The following STARD9 variants were observed in gnomAD, a reference collection of about 807,000 sequenced individuals.
The protein encoded by STARD9 is StAR related lipid transfer domain containing 9.
In STARD9, 346 loss-of-function variants were observed where a neutral mutation model predicts 399.8. The observed-to-expected ratio is 0.87, with a 90% CI of 0.79 to 0.95. STARD9 has a LOEUF of 0.95. Among genes scored for constraint, STARD9 ranks in the 40% least tolerant of loss-of-function variants. The pLI, the probability that STARD9 is intolerant of heterozygous loss-of-function variation, is 0.00. For missense variants in STARD9, 5,832 were observed against 5,667.5 expected (o/e 1.03, Z -0.93); for synonymous variants, 2,203 against 2,143.5 (o/e 1.03, Z -0.77).
intron 3 of STARD9, among the ~76,000 whole-genome samples, chr15:42,626,306 T>C (rs1308374524): frequency 1.3e-4 from 15 of 117,232 alleles, no homozygotes; most frequent in African/African-American, 4.2e-4. Context: ...CCTCCCCTTC[T>C]TCCTCTTCCT....
intron 20 of STARD9, among the ~76,000 whole-genome samples, chr15:42,677,131 G>A (rs1263340075): frequency 7.0e-6 from 1 of 143,788 alleles, no homozygotes; most frequent in Non-Finnish European, 1.5e-5. Flanking sequence ...GGGCATGGTA[G>A]CACATGCCTG....
At chr15:42,709,751 C>T (rs781370951) in intron 26 of STARD9, among the ~76,000 whole-genome samples, 80 of 152,262 alleles carry the variant, frequency 5.3e-4, no homozygotes, top group Admixed American at 2.4e-3. Context: ...AACTTTCATC[C>T]ACTGATTTTA....
chr15:42,712,081 T>TATATATAAAATATATAATATATAA (rs57090140), intron 26 of STARD9, among the ~76,000 whole-genome samples: 1 of 39,154 alleles, frequency 2.6e-5, no homozygotes, highest in East Asian at 5.3e-4. Context: ...TATATATATA[T>TATATATAAAATATATAATATATAA]TATATATATA....
At chr15:42,708,019 G>A (rs2061127911) in intron 26 of STARD9, among the ~76,000 whole-genome samples, 1 of 151,136 alleles carries the variant, frequency 6.6e-6, no homozygotes. Context: ...CCAGGGTGGT[G>A]CTGCACACCT....
rs2060624037 is a variant in STARD9 at position 42,688,891 on chromosome 15, C to G, written c.7313C>G (p.Ala2438Gly). Residue 2438 changes from alanine (A) to glycine (G), a missense_variant, in exon 23 of 33, where the codon GCA (alanine) becomes GGA (glycine). Ala to Gly is a moderately conservative substitution (Grantham distance 60). Around this residue, in one of 2 missense-constraint regions of STARD9, gnomAD observed 5,828 missense variants for 5,651.1 expected, o/e 1.03. Transcript: ENST00000290607. Reference sequence around the variant, plus strand: ...CTGGGGACAGAGGACAGGATCTCAGCAAGCACCAGCCCCCAAGACCATGGA... The same window carrying G: ...CTGGGGACAGAGGACAGGATCTCAGGAAGCACCAGCCCCCAAGACCATGGA... Reference protein sequence around the residue: ...IPLGTEDRISASTSPQDHGKD... With the variant: ...IPLGTEDRISGSTSPQDHGKD... 1.3e-6 allele frequency: 2 copies of G among 1,537,298 alleles called. No individual in the cohort carries two copies. Among genetic ancestry groups the G allele is most frequent in the Non-Finnish European group, 1.7e-6 (2 of 1,146,916 alleles).
chr15:42,631,469 A>G (rs1287197045), intron 3 of STARD9, among the ~76,000 whole-genome samples: 1 of 152,056 alleles, frequency 6.6e-6, no homozygotes, highest in Non-Finnish European at 1.5e-5. Flanking sequence ...AGTCTCAGCT[A>G]CTTGGGATAC....
chr15:42,680,668 T>A (rs1376256050), intron 20 of STARD9, among the ~76,000 whole-genome samples: 1 of 152,152 alleles, frequency 6.6e-6, no homozygotes, highest in Non-Finnish European at 1.5e-5. Context: ...CAACACAAAT[T>A]ATCAACTTAC....
At chr15:42,714,520 A>G (rs1394161959) in intron 26 of STARD9, among the ~76,000 whole-genome samples, 1 of 152,112 alleles carries the variant, frequency 6.6e-6, no homozygotes, top group East Asian at 1.9e-4. Flanking sequence ...CCCTCTGAGC[A>G]TTGCTTCAGC....
chr15:42,671,694 AAAG>A (rs1366714959), intron 16 of STARD9: 2 of 151,816 alleles, frequency 1.3e-5, no homozygotes, highest in East Asian at 3.9e-4. Flanking sequence ...AAGGAAGAAA[AAAG>A]AGAAAAAGGA....
chr15:42,643,629 C>G (rs1419827848), intron 7 of STARD9, among the ~76,000 whole-genome samples: 2 of 151,144 alleles, frequency 1.3e-5, no homozygotes, highest in African/African-American at 4.9e-5. Context: ...CTAGTCCTGA[C>G]TAGCTGGGAC....
intron 26 of STARD9, among the ~76,000 whole-genome samples, chr15:42,710,354 G>A (rs1210363565): frequency 6.6e-6 from 1 of 151,734 alleles, no homozygotes; most frequent in Admixed American, 6.6e-5. Flanking sequence ...GAGCCACCGT[G>A]CCTGGCCCTT....
At chr15:42,609,535 G>C (rs1419876727) in intron 3 of STARD9, among the ~76,000 whole-genome samples, 3 of 151,836 alleles carry the variant, frequency 2.0e-5, no homozygotes, top group African/African-American at 4.8e-5. Context: ...TGCCTCCCAG[G>C]TTCAAGCAAT....
rs2060815996 is a variant in STARD9, at chr15:42,695,206, C to T, written c.13029C>T (p.Tyr4343=). The T allele has an allele frequency of 2.6e-6, 4 of 1,537,036 alleles. No homozygotes were observed. Among genetic ancestry groups the T allele is most frequent in the Non-Finnish European group, 3.5e-6 (4 of 1,146,858 alleles). The stretch of plus-strand genomic sequence containing the variant: ...ACATAGAGTTGATGCTGCAAGACTA[C>T]CAGCAGGCCCATGAGGAGGCCAAGG... ...PSDIELMLQD[Y]QQAHEEAKVE... The change falls in exon 25 of 33, where the codon TAC becomes TAT. Residue 4343 remains tyrosine, a synonymous_variant. Coordinates refer to ENST00000290607, the MANE Select transcript of STARD9 (RefSeq NM_020759.3).
chr15:42,705,905 C>T (rs1178842837), intron 26 of STARD9, among the ~76,000 whole-genome samples: 3 of 151,698 alleles, frequency 2.0e-5, no homozygotes, highest in Non-Finnish European at 4.4e-5. Flanking sequence ...GGCGCCTGCC[C>T]CCACGCCTGG....
intron 3 of STARD9, among the ~76,000 whole-genome samples, chr15:42,626,942 C>T (rs1014515112): frequency 1.2e-4 from 18 of 151,866 alleles, no homozygotes; most frequent in Admixed American, 7.2e-4. Context: ...CTTCTACCTC[C>T]GCGGCTAAAG....
intron 9 of STARD9, among the ~76,000 whole-genome samples, chr15:42,654,739 A>G (rs1045024259): frequency 6.6e-6 from 1 of 152,226 alleles, no homozygotes; most frequent in African/African-American, 2.4e-5. Flanking sequence ...AAAGACCTGT[A>G]CAAGAAGAAC....
At chr15:42,582,376 T>A (rs2058191898) in intron 1 of STARD9, among the ~76,000 whole-genome samples, 1 of 152,202 alleles carries the variant, frequency 6.6e-6, no homozygotes. Context: ...CATGAGTACT[T>A]TAGCTGTGGC....
chr15:42,665,770 C>T lies in STARD9; in HGVS notation c.1255-16C>T, dbSNP rs1381766178. 6.5e-7 allele frequency: 1 copy of T among 1,536,230 alleles called. No individual in the cohort carries two copies. The highest frequency in any genetic ancestry group is 8.7e-7 in the Non-Finnish European group (1 of 1,145,966). On this transcript the variant is annotated splice_polypyrimidine_tract_variant and intron_variant, in intron 14 of 32. Transcript: ENST00000290607. ...AGACCAGGAAAATATCAAAGCACAT[C>T]TCTATCTTTGTGCAGAGAAACTTCA...
chr15:42,575,848 G>A, intron 1 of STARD9, 86 bp downstream of exon 1: 1 of 1,421,378 alleles, frequency 7.0e-7, no homozygotes, highest in Non-Finnish European at 9.6e-7. Context: ...AGAGATTCTG[G>A]CGCGCAGAAA....
Sources: gnomAD v4.1 joint callset for allele counts (sites outside exome capture counted in the v4.1 genomes callset) on GRCh38, gnomAD v4.1.1 for gene constraint, gnomAD v4.1.1 regional missense constraint, MANE v1.5 for transcripts, NCBI Gene and HGNC (gene_info 2026-07-23, HGNC 2026-07-21) for gene names.